The following CTNNA2 variants were observed in gnomAD, a reference collection of about 807,000 sequenced individuals.
CTNNA2 encodes the protein catenin alpha-2.
In CTNNA2, 42 loss-of-function variants were observed where a neutral mutation model predicts 101.0. That is an observed-to-expected ratio of 0.42 (90% CI 0.32 to 0.54). CTNNA2 has a LOEUF of 0.54. Ranked by LOEUF, CTNNA2 falls within the 20% of genes least tolerant of loss-of-function variation. CTNNA2 has a pLI of 0.14. For missense variants in CTNNA2, 871 were observed against 1,223.1 expected (o/e 0.71, Z 4.29); for synonymous variants, 450 against 456.4 (o/e 0.99, Z 0.18).
intron 7 of CTNNA2, among the ~76,000 whole-genome samples, chr2:79,991,283 G>T (rs950996983): frequency 2.6e-5 from 4 of 152,070 alleles, no homozygotes; most frequent in Non-Finnish European, 2.9e-5. Context: ...TCCCAAACTT[G>T]TAGGAAATAC....
intron 7 of CTNNA2, among the ~76,000 whole-genome samples, chr2:80,053,632 G>A (rs539222242): frequency 6.6e-6 from 1 of 152,258 alleles, no homozygotes; most frequent in East Asian, 1.9e-4. Context: ...TGCAGTTTCT[G>A]ATTCTGTCTC....
chr2:79,927,521 T>A lies in CTNNA2; in HGVS notation c.1056+17724T>A, dbSNP rs556170587. Among the ~76,000 whole-genome samples, 55 of 152,274 alleles carry A rather than the reference T, an allele frequency of 3.6e-4. 1 individual carries two copies. In the South Asian group the frequency reaches 0.011, roughly 30 times the overall value. ...ACTAAAATAACCTGAAGATGGATTT[T>A]TTTTCAACAAGAAGATAGATGGGAG... On this transcript the variant is annotated intron_variant, in intron 7 of 18. Coordinates refer to ENST00000402739, the MANE Select transcript of CTNNA2 (RefSeq NM_001282597.3).
intron 7 of CTNNA2, among the ~76,000 whole-genome samples, chr2:79,949,789 A>AT (rs1219934285): frequency 2.6e-5 from 4 of 152,186 alleles, no homozygotes; most frequent in Non-Finnish European, 5.9e-5. Flanking sequence ...AGAAAAAAAA[A>AT]CATGGAGACT....
chr2:80,491,842 A>G (rs886550562), intron 9 of CTNNA2, among the ~76,000 whole-genome samples: 4 of 152,038 alleles, frequency 2.6e-5, no homozygotes, highest in Admixed American at 1.3e-4. Flanking sequence ...TTTTCCTGAC[A>G]CTGCAGGATC....
At chr2:80,359,150 A>C (rs1481044790) in intron 7 of CTNNA2, among the ~76,000 whole-genome samples, 1 of 152,122 alleles carries the variant, frequency 6.6e-6, no homozygotes, top group African/African-American at 2.4e-5. Flanking sequence ...CTGAGGCAGG[A>C]GTATTACTTG....
At chr2:79,611,022 A>C (rs866593453) in intron 1 of CTNNA2, among the ~76,000 whole-genome samples, 1 of 152,140 alleles carries the variant, frequency 6.6e-6, no homozygotes, top group African/African-American at 2.4e-5. Flanking sequence ...ATATGTAGTA[A>C]ACCATCTGTA....
chr2:79,734,631 CT>C (rs1384250153), intron 2 of CTNNA2, among the ~76,000 whole-genome samples: 2 of 151,942 alleles, frequency 1.3e-5, no homozygotes, highest in African/African-American at 2.4e-5. Context: ...AGGGAAAATG[CT>C]TTTAAGAAAG....
intron 3 of CTNNA2, among the ~76,000 whole-genome samples, chr2:79,753,206 G>T (rs1271779603): frequency 6.6e-6 from 1 of 152,064 alleles, no homozygotes; most frequent in Non-Finnish European, 1.5e-5. Flanking sequence ...TGCTGAAAAG[G>T]CCAATTTTTA....
At chr2:79,264,407 A>T (rs1263566193) in intron 2 of CTNNA2, among the ~76,000 whole-genome samples, 1 of 120,554 alleles carries the variant, frequency 8.3e-6, no homozygotes, top group African/African-American at 3.1e-5. Context: ...ATTGTTTAGG[A>T]CATGGCTAAT....
At chr2:79,812,399 G>A (rs755711484) in intron 3 of CTNNA2, among the ~76,000 whole-genome samples, 26 of 152,144 alleles carry the variant, frequency 1.7e-4, no homozygotes, top group Non-Finnish European at 2.9e-4. Context: ...TTGGGTTTAG[G>A]AAATCTCCTA....
chr2:79,391,012 T>A (rs910172795), intron 4 of CTNNA2, among the ~76,000 whole-genome samples: 3 of 152,116 alleles, frequency 2.0e-5, no homozygotes, highest in Non-Finnish European at 4.4e-5. Flanking sequence ...GAGAGGAAAG[T>A]AGAAAAGCAA....
intron 1 of CTNNA2, among the ~76,000 whole-genome samples, chr2:79,567,641 C>A (rs747866086): frequency 2.0e-5 from 3 of 151,938 alleles, no homozygotes; most frequent in Non-Finnish European, 4.4e-5. Flanking sequence ...TTTGATGACC[C>A]TTCCTCCCCA....
chr2:80,221,954 T>C (rs967845920), intron 7 of CTNNA2, among the ~76,000 whole-genome samples: 4 of 152,196 alleles, frequency 2.6e-5, no homozygotes, highest in African/African-American at 9.7e-5. Context: ...TCTAAATTGC[T>C]TCATAATAAA....
chr2:80,109,624 G>A (rs62141429), intron 7 of CTNNA2, among the ~76,000 whole-genome samples: 4,047 of 152,278 alleles, frequency 0.027, 68 homozygotes, highest in Non-Finnish European at 0.04. Context: ...GCCGAGTACA[G>A]CATAATGTTC....
At chr2:79,300,386 T>G (rs553399803) in intron 2 of CTNNA2, among the ~76,000 whole-genome samples, 56 of 152,324 alleles carry the variant, frequency 3.7e-4, no homozygotes, top group African/African-American at 1.3e-3. Context: ...TGTATAGATA[T>G]GGAAATATGT....
At chr2:79,989,383 C>G (rs641966) in intron 7 of CTNNA2, among the ~76,000 whole-genome samples, 87,751 of 152,030 alleles carry the variant, frequency 0.58, 25,777 homozygotes, top group Non-Finnish European at 0.62. Flanking sequence ...AGCACTTTGG[C>G]AGGCTGTAGT....
rs1236698963 is a variant in CTNNA2 at position 80,619,190 on chromosome 2, G to T, written c.2536G>T (p.Gly846Ter). 1.3e-6 allele frequency: 2 copies of T among 1,587,280 alleles called. No individual in the cohort carries two copies. Among genetic ancestry groups the T allele is most frequent in the Admixed American group, 1.7e-5 (1 of 57,284 alleles). Residue 846 changes from glycine (G) to a stop codon, truncating the protein, a stop_gained, in exon 18 of 19, where the codon GGA becomes TGA. Coordinates refer to ENST00000402739, the MANE Select transcript of CTNNA2 (RefSeq NM_001282597.3). LOFTEE classifies it high-confidence loss of function. Reference sequence around the variant, plus strand: ...TACCCACCTCCCAACCTGTGCTGAGGGAGCTCCGATCGGGAGTGGAAGCAG... The same window carrying T: ...TACCCACCTCCCAACCTGTGCTGAGTGAGCTCCGATCGGGAGTGGAAGCAG... ...LSTHLPTCAE[G>*]APIGSGSSDS... is the part of the protein sequence containing the mutation.
At chr2:79,627,206 G>A (rs1040819703) in intron 1 of CTNNA2, among the ~76,000 whole-genome samples, 9 of 152,228 alleles carry the variant, frequency 5.9e-5, no homozygotes, top group Non-Finnish European at 1.0e-4. Flanking sequence ...CCATCAAATA[G>A]AGAATGTGTT....
At chr2:80,555,581 G>A (rs965306326) in intron 11 of CTNNA2, 112 bp from the exon 12 acceptor site, 6 of 510,786 alleles carry the variant, frequency 1.2e-5, no homozygotes, top group African/African-American at 9.8e-5. Flanking sequence ...GTATTATTAG[G>A]CATGCATTGA....
Sources: allele counts gnomAD v4.1 joint callset (sites outside exome capture counted in the v4.1 genomes callset), GRCh38; gene constraint gnomAD v4.1.1; transcripts MANE v1.5; gene names NCBI Gene and HGNC (gene_info 2026-07-23, HGNC 2026-07-21).